Variants in LRGUK observed in about 807,000 individuals in gnomAD.
LRGUK encodes leucine rich repeats and guanylate kinase domain containing.
In LRGUK, 65 loss-of-function variants were observed where a neutral mutation model predicts 76.0. The ratio of observed to expected loss-of-function variants is 0.85; its 90% CI spans 0.70 to 1.05. LRGUK has a LOEUF of 1.05. LRGUK is among the 50% of genes least tolerant of loss of function. The pLI, the probability that LRGUK is intolerant of heterozygous loss-of-function variation, is 0.00. For missense variants in LRGUK, 758 were observed against 732.8 expected, an observed-to-expected ratio of 1.03 and a Z score of -0.40; for synonymous variants, 268 against 265.6, an observed-to-expected ratio of 1.01 and a Z score of -0.09.
At chr7:134,231,805 TTCTTA>T (rs1801906257) in intron 16 of LRGUK, among the ~76,000 whole-genome samples, 1 of 150,272 alleles carries the variant, frequency 6.7e-6, no homozygotes, top group African/African-American at 2.5e-5. Flanking sequence ...CCTTCTTTAC[TTCTTA>T]TCTTCCTTTT....
chr7:134,251,087 A>G (rs1802432461), intron 18 of LRGUK, among the ~76,000 whole-genome samples: 1 of 152,142 alleles, frequency 6.6e-6, no homozygotes, highest in African/African-American at 2.4e-5. Context: ...CATATGTGTT[A>G]TGGTTTGAGC....
intron 19 of LRGUK, among the ~76,000 whole-genome samples, chr7:134,260,723 G>A (rs1234935516): frequency 1.3e-5 from 2 of 152,108 alleles, no homozygotes; most frequent in Non-Finnish European, 1.5e-5. Context: ...CCCTCAATTA[G>A]TAGCCCCTGT....
At chr7:134,244,889 C>A (rs542978819) in intron 16 of LRGUK, among the ~76,000 whole-genome samples, 45 of 152,280 alleles carry the variant, frequency 3.0e-4, no homozygotes, top group Admixed American at 6.5e-4. Flanking sequence ...ATGATGAGTT[C>A]ATGTCCTTTG....
At chr7:134,243,310 G>C (rs531474421) in intron 16 of LRGUK, among the ~76,000 whole-genome samples, 2 of 152,132 alleles carry the variant, frequency 1.3e-5, no homozygotes, top group Admixed American at 6.5e-5. Context: ...AAACCCCATC[G>C]TCTCAGCCCA....
chr7:134,158,131 A>AG lies in LRGUK; in HGVS notation c.767_768insG (p.Asn256LysfsTer13). On this transcript the variant is annotated frameshift_variant, in exon 6 of 16. Coordinates refer to ENST00000645682, the Ensembl canonical transcript of LRGUK. LOFTEE classifies it high-confidence loss of function. ...AAGATCACGACAATTAATGGCTTAA[A>AG]CAAGTTACCAATCAAAATACTTTGT... 6.2e-7 allele frequency: 1 copy of AG among 1,612,970 alleles called. No homozygotes were observed. The highest frequency in any genetic ancestry group is 8.5e-7 in the Non-Finnish European group (1 of 1,179,292).
Position 134,249,839 on chromosome 7 carries a change from C to T in LRGUK, c.2198+763C>T, listed in dbSNP as rs1032499311. ...CCTTCAGTTGCTCCTGTCACTGCAGCTGACCATCTCGCTGTAGGTCTTGAA... is the reference window on the plus strand; with the variant it reads ...CCTTCAGTTGCTCCTGTCACTGCAGTTGACCATCTCGCTGTAGGTCTTGAA... On this transcript the variant is annotated intron_variant, in intron 18 of 19. Transcript: ENST00000285928. Among the ~76,000 whole-genome samples, 6 of 152,322 alleles carry T rather than the reference C, an allele frequency of 3.9e-5. No homozygotes were observed. The South Asian group carries it at 1.2e-3, about 32-fold the overall frequency.
chr7:134,260,408 G>T (rs1335642854), intron 19 of LRGUK, among the ~76,000 whole-genome samples: 4 of 152,122 alleles, frequency 2.6e-5, no homozygotes, highest in Non-Finnish European at 5.9e-5. Flanking sequence ...ACACTTTTCT[G>T]TTTGTTTGTA....
chr7:134,239,507 C>A (rs547049048), intron 16 of LRGUK, among the ~76,000 whole-genome samples: 1 of 152,342 alleles, frequency 6.6e-6, no homozygotes, highest in East Asian at 1.9e-4. Flanking sequence ...GGGGGAGGGG[C>A]ATCCGCCATT....
At chr7:134,239,498 G>A (rs1023593440) in intron 16 of LRGUK, among the ~76,000 whole-genome samples, 3 of 152,232 alleles carry the variant, frequency 2.0e-5, no homozygotes, top group African/African-American at 7.2e-5. Context: ...AGCGAGGCTG[G>A]GGGAGGGGCA....
chr7:134,209,021 G>T, exon 16 of LRGUK: 1 of 399,148 alleles, frequency 2.5e-6, no homozygotes. Context: ...AACGGAAGAG[G>T]ATGTCCAACA....
At chr7:134,179,404 A>G (rs1485727059) in intron 10 of LRGUK, among the ~76,000 whole-genome samples, 1 of 152,186 alleles carries the variant, frequency 6.6e-6, no homozygotes. Context: ...TTCATGTGGT[A>G]TTTGCTCCTG....
chr7:134,133,629 C>T (rs555857591), intron 1 of LRGUK, among the ~76,000 whole-genome samples: 1 of 152,242 alleles, frequency 6.6e-6, no homozygotes, highest in Non-Finnish European at 1.5e-5. Flanking sequence ...ATTTTTTTCC[C>T]CCTGATGAAT....
chr7:134,273,088 G>A, the LRGUK span, among the ~76,000 whole-genome samples: 1 of 152,078 alleles, frequency 6.6e-6, no homozygotes, highest in Admixed American at 6.5e-5. Flanking sequence ...GACCTCTCCA[G>A]GTGTGTGAAC....
In LRGUK at chr7:134,210,085, A is replaced by T. The variant is rs1801187075; in HGVS notation, c.3222A>T (p.Glu1074Asp). The T allele has an allele frequency of 1.0e-5, 4 of 399,326 alleles. No homozygotes were observed. In the East Asian group the frequency reaches 1.4e-4, roughly 14 times the overall value. 24.7% of individuals were successfully genotyped at this position (399,326 alleles called of 1,614,324 possible). The change falls in exon 16 of 16, where the codon GAA (glutamate) becomes GAT (aspartate). Residue 1074 changes from glutamate (E) to aspartate (D), a missense_variant. Transcript: ENST00000645682. The stretch of plus-strand genomic sequence containing the variant: ...CACTTCAGCAGACAGGGGCTAGGGA[A>T]AAAAAGCTCCCCAACCAGAAAGGGA...
chr7:134,264,284 C>G (rs916580099), exon 20 of LRGUK: 1 of 204,442 alleles, frequency 4.9e-6, no homozygotes, highest in Non-Finnish European at 9.6e-6. Context: ...TTTTTTCCAC[C>G]TGCTCCCTGC....
chr7:134,130,617 G>C (rs1312048264), intron 1 of LRGUK, among the ~76,000 whole-genome samples: 8 of 152,180 alleles, frequency 5.3e-5, no homozygotes, highest in Admixed American at 5.2e-4. Flanking sequence ...GGAAATTCAT[G>C]TTCAGTGATT....
At chr7:134,201,568 C>T in exon 15 of LRGUK, 2 of 1,610,982 alleles carry the variant, frequency 1.2e-6, no homozygotes, top group Non-Finnish European at 1.7e-6. Flanking sequence ...AGTTTGGCTA[C>T]AACTGCAGGT....
chr7:134,263,737 C>A (rs1290590611), intron 19 of LRGUK, 108 bp from the exon 20 acceptor site: 6 of 1,055,978 alleles, frequency 5.7e-6, no homozygotes, highest in African/African-American at 5.1e-5. Context: ...TATAGTTTGT[C>A]ATGAACGAAT....
chr7:134,130,645 C>G (rs1178147238), intron 1 of LRGUK, among the ~76,000 whole-genome samples: 1 of 152,152 alleles, frequency 6.6e-6, no homozygotes. Flanking sequence ...CCCATCTTAG[C>G]CTGTTATTCT....
Sources: allele counts gnomAD v4.1 joint callset (sites outside exome capture counted in the v4.1 genomes callset), GRCh38; gene constraint gnomAD v4.1.1; transcripts MANE v1.5; gene names NCBI Gene and HGNC (gene_info 2026-07-23, HGNC 2026-07-21).